Variants in EMSY observed in about 807,000 individuals in gnomAD.
EMSY encodes the protein EMSY transcriptional repressor, BRCA2 interacting.
A neutral mutation model predicts 134.6 loss-of-function variants in EMSY; 26 were observed. The ratio of observed to expected loss-of-function variants is 0.19; its 90% CI spans 0.14 to 0.27. The LOEUF is 0.27. EMSY is among the 10% of genes least tolerant of loss of function. The probability of loss-of-function intolerance (pLI) is 1.00; values close to 1 mark genes in which losing one functional copy is unlikely to be tolerated. For missense variants in EMSY, 1,305 were observed against 1,611.4 expected (o/e 0.81, Z 3.26); for synonymous variants, 579 against 577.8 (o/e 1.00, Z -0.03).
intron 14 of EMSY, among the ~76,000 whole-genome samples, chr11:76,530,240 A>G (rs1045548322): frequency 2.7e-4 from 40 of 148,106 alleles, no homozygotes; most frequent in African/African-American, 9.1e-4. Context: ...GCTCACTGCA[A>G]CCTCCGTCTC....
At chr11:76,508,048 T>C (rs181394248) in intron 9 of EMSY, among the ~76,000 whole-genome samples, 1 of 151,818 alleles carries the variant, frequency 6.6e-6, no homozygotes, top group African/African-American at 2.4e-5. Flanking sequence ...TTAAAAAAAT[T>C]TTTGTAGAGA....
intron 8 of EMSY, among the ~76,000 whole-genome samples, chr11:76,474,840 T>C (rs1224110323): frequency 6.6e-6 from 1 of 152,178 alleles, no homozygotes; most frequent in Non-Finnish European, 1.5e-5. Context: ...CTTGGCTTCC[T>C]GCAACCTCCG....
intron 4 of EMSY, among the ~76,000 whole-genome samples, chr11:76,454,994 A>G (rs577929087): frequency 6.6e-6 from 1 of 152,196 alleles, no homozygotes; most frequent in South Asian, 2.1e-4. Flanking sequence ...GAGGGTGGGA[A>G]GGGAGAGGAG....
chr11:76,453,453 C>T, intron 4 of EMSY, 65 bp downstream of exon 4: 2 of 1,432,308 alleles, frequency 1.4e-6, no homozygotes, highest in Non-Finnish European at 1.9e-6. Flanking sequence ...TTGAAACAGT[C>T]TTCCTATTGT....
chr11:76,503,128 C>G (rs146499062), intron 9 of EMSY, among the ~76,000 whole-genome samples: 2 of 151,736 alleles, frequency 1.3e-5, no homozygotes, highest in Admixed American at 6.6e-5. Flanking sequence ...TGGTGAAACC[C>G]TGTCTCTACT....
At chr11:76,474,503 A>G (rs753112453) in intron 8 of EMSY, among the ~76,000 whole-genome samples, 4 of 152,200 alleles carry the variant, frequency 2.6e-5, no homozygotes, top group Non-Finnish European at 5.9e-5. Flanking sequence ...TTAATGATGT[A>G]TTATGTATTT....
At chr11:76,497,479 C>T (rs951397023) in intron 9 of EMSY, among the ~76,000 whole-genome samples, 12 of 152,020 alleles carry the variant, frequency 7.9e-5, no homozygotes, top group African/African-American at 2.2e-4. Context: ...CATCTGGGCC[C>T]GGAGAGTTCT....
intron 3 of EMSY, 130 bp from the exon 4 acceptor site, chr11:76,453,184 C>T: frequency 1.6e-6 from 1 of 643,908 alleles, no homozygotes; most frequent in South Asian, 2.2e-5. Flanking sequence ...TATTAGACTC[C>T]TGTCTATATC....
exon 16 of EMSY, chr11:76,537,911 G>A (rs1183759857): frequency 6.2e-7 from 1 of 1,613,778 alleles, no homozygotes; most frequent in Non-Finnish European, 8.5e-7. Context: ...ATCAATTGCT[G>A]TGGTAGAGTC....
At chr11:76,477,321 A>T (rs1344455102) in intron 8 of EMSY, among the ~76,000 whole-genome samples, 4 of 149,352 alleles carry the variant, frequency 2.7e-5, no homozygotes, top group Non-Finnish European at 4.5e-5. Context: ...CATTTTGAAA[A>T]TTTTTGCTAA....
intron 9 of EMSY, among the ~76,000 whole-genome samples, chr11:76,501,493 G>A (rs2135909115): frequency 6.6e-6 from 1 of 152,286 alleles, no homozygotes; most frequent in South Asian, 2.1e-4. Flanking sequence ...ATAGAAATTA[G>A]TTTTTAAAGA....
intron 7 of EMSY, among the ~76,000 whole-genome samples, chr11:76,465,535 A>C (rs1031738907): frequency 6.6e-6 from 1 of 150,680 alleles, no homozygotes; most frequent in East Asian, 1.9e-4. Context: ...CACTACATTT[A>C]TAGAGTTTTT....
At chr11:76,501,472 T>C (rs1417717683) in intron 9 of EMSY, among the ~76,000 whole-genome samples, 2 of 152,058 alleles carry the variant, frequency 1.3e-5, no homozygotes, top group Non-Finnish European at 2.9e-5. Context: ...CAAATAAAGA[T>C]CAATAAAGAG....
At chr11:76,546,934 A>G (rs1162967540) in intron 20 of EMSY, 2 of 354,028 alleles carry the variant, frequency 5.6e-6, no homozygotes, top group Non-Finnish European at 1.1e-5. Context: ...CTTGGTAAGT[A>G]CAGGCTAATT....
At chr11:76,532,256 C>A (rs142890541) in intron 14 of EMSY, among the ~76,000 whole-genome samples, 2 of 151,882 alleles carry the variant, frequency 1.3e-5, no homozygotes, top group African/African-American at 2.4e-5. Flanking sequence ...AAAGTTTCAC[C>A]GAATGAACAA....
At chr11:76,534,394 C>G (rs1951152362) in intron 14 of EMSY, among the ~76,000 whole-genome samples, 2 of 152,050 alleles carry the variant, frequency 1.3e-5, no homozygotes, top group Non-Finnish European at 2.9e-5. Context: ...AGCATCCAGT[C>G]TTCTGTATTT....
chr11:76,474,403 CTT>C lies in EMSY; in HGVS notation c.1108+1564_1108+1565del, dbSNP rs142591717. On this transcript the variant is annotated intron_variant, in intron 8 of 20. Transcript: ENST00000334736. Reference sequence around the variant, plus strand: ...TGAGTTTTATGTGAATAATATATAACTTAAGACAGATTGGGGCTTGGAAATAT... The same window carrying C: ...TGAGTTTTATGTGAATAATATATAACAAGACAGATTGGGGCTTGGAAATAT... Among the ~76,000 whole-genome samples, 490 of 152,298 alleles carry C rather than the reference CTT, an allele frequency of 3.2e-3. 3 individuals are homozygous for C. The highest frequency in any genetic ancestry group is 4.5e-3 in the Non-Finnish European group (303 of 68,026).
intron 7 of EMSY, among the ~76,000 whole-genome samples, chr11:76,471,319 GT>G (rs1948560577): frequency 6.6e-6 from 1 of 151,954 alleles, no homozygotes; most frequent in Non-Finnish European, 1.5e-5. Context: ...CATTCTCTTT[GT>G]TTTGTTTTTT....
At chr11:76,535,006 T>G (rs560929073) in intron 14 of EMSY, among the ~76,000 whole-genome samples, 18 of 152,298 alleles carry the variant, frequency 1.2e-4, no homozygotes, top group African/African-American at 4.3e-4. Flanking sequence ...TGTACCTGTA[T>G]AGCATGAATA....
Sources: allele counts gnomAD v4.1 joint callset (sites outside exome capture counted in the v4.1 genomes callset), GRCh38; gene constraint gnomAD v4.1.1; transcripts MANE v1.5; gene names NCBI Gene and HGNC (gene_info 2026-07-23, HGNC 2026-07-21).